ZNF618: variants seen among roughly 807,000 people sequenced by gnomAD.
ZNF618 encodes neural precursor cell expressed, developmentally down-regulated 10.
ZNF618 carries 34 observed loss-of-function variants against 103.0 expected under a neutral mutation model. The ratio of observed to expected loss-of-function variants is 0.33; its 90% CI spans 0.25 to 0.44. ZNF618 has a LOEUF of 0.44. ZNF618 is among the 20% of genes least tolerant of loss of function. The pLI, the probability that ZNF618 is intolerant of heterozygous loss-of-function variation, is 1.00. For missense variants in ZNF618, 1,059 were observed against 1,295.4 expected (o/e 0.82, Z 2.80); for synonymous variants, 551 against 542.2 (o/e 1.02, Z -0.23).
At chr9:113,887,534 TG>T (rs1829192799) in intron 1 of ZNF618, among the ~76,000 whole-genome samples, 2 of 152,164 alleles carry the variant, frequency 1.3e-5, no homozygotes, top group Admixed American at 1.3e-4. Context: ...CAGGTCACAT[TG>T]GGGGCTGTGG....
intron 10 of ZNF618, among the ~76,000 whole-genome samples, chr9:114,025,934 G>A (rs1051210566): frequency 1.6e-4 from 25 of 152,224 alleles, no homozygotes; most frequent in African/African-American, 5.1e-4. Flanking sequence ...TGTGCATGGC[G>A]GGCAAGGCTG....
chr9:113,976,528 C>G (rs1254675064), intron 2 of ZNF618, among the ~76,000 whole-genome samples: 1 of 152,192 alleles, frequency 6.6e-6, no homozygotes, highest in Non-Finnish European at 1.5e-5. Flanking sequence ...GCTGGAGCAC[C>G]TTCCAGACTC....
At chr9:114,018,379 A>C (rs1001362032) in intron 10 of ZNF618, among the ~76,000 whole-genome samples, 1 of 152,252 alleles carries the variant, frequency 6.6e-6, no homozygotes, top group Non-Finnish European at 1.5e-5. Flanking sequence ...TTTGTTCTCC[A>C]GTGAAGCAGC....
chr9:114,002,536 T>C, intron 5 of ZNF618, 88 bp from the exon 6 acceptor site: 4 of 1,448,130 alleles, frequency 2.8e-6, no homozygotes, highest in Non-Finnish European at 3.8e-6. Flanking sequence ...TCTTCCCCTG[T>C]GGCTTCCATG....
At chr9:113,967,649 A>G (rs919499303) in intron 1 of ZNF618, among the ~76,000 whole-genome samples, 2 of 152,180 alleles carry the variant, frequency 1.3e-5, no homozygotes, top group African/African-American at 4.8e-5. Flanking sequence ...TCTTGCCTGT[A>G]AAGTGGGGAT....
chr9:114,029,823 T>C (rs1843846077), intron 11 of ZNF618, among the ~76,000 whole-genome samples: 1 of 152,212 alleles, frequency 6.6e-6, no homozygotes, highest in Non-Finnish European at 1.5e-5. Context: ...CAAAGGACTC[T>C]GGCTCCAGAG....
At chr9:113,886,186 A>AAAG (rs1181993777) in intron 1 of ZNF618, among the ~76,000 whole-genome samples, 2 of 152,182 alleles carry the variant, frequency 1.3e-5, no homozygotes, top group Non-Finnish European at 2.9e-5. Flanking sequence ...CTCAAAGTCA[A>AAAG]AAGTGCTTTT....
chr9:113,915,215 G>A (rs774817432), intron 1 of ZNF618, among the ~76,000 whole-genome samples: 2 of 152,178 alleles, frequency 1.3e-5, no homozygotes, highest in Non-Finnish European at 2.9e-5. Flanking sequence ...TGCATCTGAG[G>A]TTGCTTTCTA....
At chr9:113,949,677 A>G (rs1402069371) in intron 1 of ZNF618, among the ~76,000 whole-genome samples, 5 of 152,170 alleles carry the variant, frequency 3.3e-5, no homozygotes, top group East Asian at 1.9e-4. Context: ...CTGGCCCTAC[A>G]TGGTCCACCT....
chr9:113,994,318 C>G (rs889712302), intron 3 of ZNF618, among the ~76,000 whole-genome samples: 2 of 152,196 alleles, frequency 1.3e-5, no homozygotes, highest in African/African-American at 4.8e-5. Flanking sequence ...GCTGATAGTT[C>G]GTTTCCTGTT....
chr9:114,027,249 C>T (rs1843592852), intron 10 of ZNF618, among the ~76,000 whole-genome samples: 1 of 152,172 alleles, frequency 6.6e-6, no homozygotes, highest in South Asian at 2.1e-4. Context: ...CTTCTCAGTT[C>T]CTGATTCAGG....
chr9:114,041,631 A>G (rs1845190472), intron 13 of ZNF618, among the ~76,000 whole-genome samples: 2 of 152,070 alleles, frequency 1.3e-5, no homozygotes, highest in East Asian at 3.9e-4. Flanking sequence ...CAAAGATCGG[A>G]TGGTTGTAGA....
intron 1 of ZNF618, among the ~76,000 whole-genome samples, chr9:113,899,846 C>G (rs568804870): frequency 2.0e-4 from 31 of 152,232 alleles, no homozygotes; most frequent in African/African-American, 7.2e-4. Context: ...TCATATGTAC[C>G]TACCACATTT....
At chr9:114,011,972 A>G (rs1489031459) in intron 9 of ZNF618, among the ~76,000 whole-genome samples, 1 of 151,604 alleles carries the variant, frequency 6.6e-6, no homozygotes, top group Non-Finnish European at 1.5e-5. Context: ...GGAGTCATGT[A>G]TGGGTTACTT....
chr9:113,956,713 G>T lies in ZNF618; in HGVS notation c.34-12404G>T, dbSNP rs144892290. 2.5e-3 allele frequency among the ~76,000 whole-genome samples: 386 copies of T among 152,306 alleles called. 4 individuals are homozygous for T. The highest frequency in any genetic ancestry group is 8.8e-3 in the African/African-American group (364 of 41,574). On this transcript the variant is annotated intron_variant, in intron 1 of 14. Transcript: ENST00000374126. The stretch of plus-strand genomic sequence containing the variant: ...AGGATGTTGTCCTGTGGTCAGGGAA[G>T]GCTTCCTAGAGGTGGTTAGAGTAGA...
chr9:114,041,437 C>G (rs1845171142), intron 13 of ZNF618, among the ~76,000 whole-genome samples: 1 of 152,054 alleles, frequency 6.6e-6, no homozygotes, highest in African/African-American at 2.4e-5. Context: ...GCCTAGGTTT[C>G]CTTCTAGGGT....
At chr9:114,015,049 A>T (rs189875463) in intron 9 of ZNF618, among the ~76,000 whole-genome samples, 159 of 152,312 alleles carry the variant, frequency 1.0e-3, no homozygotes, top group African/African-American at 2.9e-3. Flanking sequence ...GTAGACAAAC[A>T]AGGTTGTATA....
At chr9:113,964,208 C>T (rs1381388017) in intron 1 of ZNF618, among the ~76,000 whole-genome samples, 1 of 152,170 alleles carries the variant, frequency 6.6e-6, no homozygotes, top group Non-Finnish European at 1.5e-5. Flanking sequence ...ACATTTGTGG[C>T]AGCACCTCAG....
At chr9:113,887,316 G>A (rs1419405355) in intron 1 of ZNF618, among the ~76,000 whole-genome samples, 2 of 152,150 alleles carry the variant, frequency 1.3e-5, no homozygotes, top group Non-Finnish European at 2.9e-5. Context: ...AAAAAATTAT[G>A]TTGTTTCCCA....
Sources: gnomAD v4.1 joint callset for allele counts (sites outside exome capture counted in the v4.1 genomes callset) on GRCh38, gnomAD v4.1.1 for gene constraint, MANE v1.5 for transcripts, NCBI Gene and HGNC (gene_info 2026-07-23, HGNC 2026-07-21) for gene names.